The following DPP10 variants were observed in gnomAD, a reference collection of about 807,000 sequenced individuals.
The protein encoded by DPP10 is dipeptidyl peptidase like 10.
In DPP10, 33 loss-of-function variants were observed where a neutral mutation model predicts 120.9. The observed-to-expected ratio is 0.27, with a 90% CI of 0.21 to 0.37. The LOEUF is 0.37. DPP10 is among the 10% of genes least tolerant of loss of function. The pLI is 1.00. For synonymous variants in DPP10, 337 were observed against 326.1 expected, an observed-to-expected ratio of 1.03 and a Z score of -0.36; for missense variants, 816 against 942.8, an observed-to-expected ratio of 0.87 and a Z score of 1.76.
At chr2:115,296,485 T>C (rs1425634052) in intron 1 of DPP10, among the ~76,000 whole-genome samples, 1 of 152,058 alleles carries the variant, frequency 6.6e-6, no homozygotes, top group African/African-American at 2.4e-5. Context: ...TTGTTCATCT[T>C]GAAGAGAGAG....
intron 1 of DPP10, among the ~76,000 whole-genome samples, chr2:115,100,858 T>C (rs1373285978): frequency 1.3e-5 from 2 of 152,188 alleles, no homozygotes; most frequent in Non-Finnish European, 1.5e-5. Flanking sequence ...CCCTGAACAA[T>C]TAGTCAATTC....
At chr2:115,728,823 T>A (rs1023863739) in intron 8 of DPP10, among the ~76,000 whole-genome samples, 1 of 152,212 alleles carries the variant, frequency 6.6e-6, no homozygotes, top group Non-Finnish European at 1.5e-5. Flanking sequence ...TCTGGATAGA[T>A]GTCTAGGTGC....
chr2:114,617,971 C>T (rs1040934513), intron 1 of DPP10, among the ~76,000 whole-genome samples: 2 of 152,046 alleles, frequency 1.3e-5, no homozygotes, highest in African/African-American at 4.8e-5. Context: ...CCCACCACCA[C>T]TGCTCCAGAT....
intron 1 of DPP10, among the ~76,000 whole-genome samples, chr2:114,658,681 C>T (rs903624459): frequency 2.0e-5 from 3 of 152,132 alleles, no homozygotes; most frequent in South Asian, 2.1e-4. Flanking sequence ...TATATGCAGA[C>T]GTTTATACCC....
At chr2:115,381,947 T>C (rs1230897548) in intron 3 of DPP10, among the ~76,000 whole-genome samples, 1 of 152,020 alleles carries the variant, frequency 6.6e-6, no homozygotes, top group Non-Finnish European at 1.5e-5. Context: ...GAACCACTGC[T>C]CTCTTCAAAG....
intron 1 of DPP10, among the ~76,000 whole-genome samples, chr2:114,948,797 G>C (rs1279208314): frequency 1.3e-5 from 2 of 152,152 alleles, no homozygotes; most frequent in African/African-American, 4.8e-5. Flanking sequence ...AGGTTTAACT[G>C]ACTGACAGTT....
At chr2:115,514,025 C>T (rs577217584) in intron 4 of DPP10, among the ~76,000 whole-genome samples, 1 of 151,878 alleles carries the variant, frequency 6.6e-6, no homozygotes, top group Non-Finnish European at 1.5e-5. Context: ...GAAAGTTTAG[C>T]TCGATATAGA....
chr2:115,378,929 T>G (rs1462550418), intron 3 of DPP10, among the ~76,000 whole-genome samples: 3 of 152,220 alleles, frequency 2.0e-5, no homozygotes, highest in African/African-American at 7.2e-5. Context: ...ATAAGCTTTT[T>G]GATGTGCTGC....
intron 1 of DPP10, among the ~76,000 whole-genome samples, chr2:115,237,220 A>G (rs2058049179): frequency 6.6e-6 from 1 of 150,988 alleles, no homozygotes; most frequent in South Asian, 2.1e-4. Context: ...ATTTTGGGAA[A>G]TCTCAGAATA....
At chr2:115,170,934 G>C (rs144227035) in intron 1 of DPP10, among the ~76,000 whole-genome samples, 1,681 of 152,254 alleles carry the variant, frequency 0.011, 20 homozygotes, top group African/African-American at 0.028. Context: ...CTGCACTCTA[G>C]GATGGTACTT....
intron 3 of DPP10, among the ~76,000 whole-genome samples, chr2:115,452,230 A>G (rs1314889725): frequency 6.6e-6 from 1 of 151,934 alleles, no homozygotes; most frequent in African/African-American, 2.4e-5. Flanking sequence ...GCTTAATCCT[A>G]AGAGGGCTAT....
At chr2:115,002,010 C>T (rs1701473202) in intron 1 of DPP10, among the ~76,000 whole-genome samples, 1 of 152,076 alleles carries the variant, frequency 6.6e-6, no homozygotes, top group African/African-American at 2.4e-5. Flanking sequence ...AATGACATTC[C>T]TCACAGAATT....
At chr2:114,698,316 A>T (rs907992260) in intron 1 of DPP10, among the ~76,000 whole-genome samples, 2 of 152,082 alleles carry the variant, frequency 1.3e-5, no homozygotes, top group Non-Finnish European at 2.9e-5. Context: ...TAGGAGAATT[A>T]GCTGTCTGGG....
chr2:115,209,435 C>T (rs2056365937), intron 1 of DPP10, among the ~76,000 whole-genome samples: 1 of 152,094 alleles, frequency 6.6e-6, no homozygotes, highest in Admixed American at 6.6e-5. Context: ...CATACATACA[C>T]ATACATGCTA....
At chr2:115,581,562 T>G (rs2082004834) in intron 5 of DPP10, among the ~76,000 whole-genome samples, 1 of 152,150 alleles carries the variant, frequency 6.6e-6, no homozygotes, top group Admixed American at 6.5e-5. Context: ...ATAACTCTTC[T>G]AAATAAATAA....
intron 1 of DPP10, among the ~76,000 whole-genome samples, chr2:114,595,719 C>T (rs2105191712): frequency 6.6e-6 from 1 of 152,214 alleles, no homozygotes. Context: ...TGGGGCATAT[C>T]TCCCAGATGA....
At chr2:115,127,308 A>G (rs1179102581) in intron 1 of DPP10, among the ~76,000 whole-genome samples, 4 of 152,212 alleles carry the variant, frequency 2.6e-5, no homozygotes, top group East Asian at 1.9e-4. Flanking sequence ...AGAATATTAT[A>G]TAAGTTCTGG....
intron 3 of DPP10, among the ~76,000 whole-genome samples, chr2:115,381,908 G>C (rs550611021): frequency 6.9e-5 from 10 of 144,098 alleles, no homozygotes; most frequent in Non-Finnish European, 1.4e-4. Context: ...CAGTCTGCCC[G>C]TTCTCAGATC....
chr2:114,807,900 C>G (rs1339225175), intron 1 of DPP10, among the ~76,000 whole-genome samples: 20 of 152,184 alleles, frequency 1.3e-4, no homozygotes, highest in Non-Finnish European at 1.9e-4. Context: ...GAGTCTTCCT[C>G]ATTTACATGT....
Sources: allele counts gnomAD v4.1 joint callset (sites outside exome capture counted in the v4.1 genomes callset), GRCh38; gene constraint gnomAD v4.1.1; transcripts MANE v1.5; gene names NCBI Gene and HGNC (gene_info 2026-07-23, HGNC 2026-07-21).